The following ZNF462 variants were observed in gnomAD, a reference collection of about 807,000 sequenced individuals.
ZNF462 encodes the protein zinc finger protein 462, also known as zinc finger PBX1-interacting protein.
A neutral mutation model predicts 201.9 loss-of-function variants in ZNF462; 10 were observed. That is an observed-to-expected ratio of 0.05 (90% CI 0.03 to 0.08). The LOEUF (loss-of-function observed/expected upper bound fraction) is 0.08, where lower values mean the gene tolerates loss of function less well. Among genes scored for constraint, ZNF462 ranks in the 10% least tolerant of loss-of-function variants. The pLI is 1.00. For missense variants in ZNF462, 2,523 were observed against 3,168.3 expected (o/e 0.80, Z 4.89); for synonymous variants, 1,227 against 1,193.3 (o/e 1.03, Z -0.58).
rs1385502741 is a variant in ZNF462, at chr9:106,880,987, T to A, written c.-31+17632T>A. Among the ~76,000 whole-genome samples, 1 of 152,196 alleles carries A rather than the reference T, an allele frequency of 6.6e-6. No individual in the cohort carries two copies. Among genetic ancestry groups the A allele is most frequent in the Non-Finnish European group, 1.5e-5 (1 of 68,036 alleles). On this transcript the variant is annotated intron_variant, in intron 1 of 12. Transcript: ENST00000277225. This position sits in a 1 kb window ranked among gnomAD's most constrained non-coding sequence, Gnocchi z 4.1. Reference sequence around the variant, plus strand: ...GAGCCAGCCTGTCTCAGCACTGAGCTTTTATTTTGTAACAATTTGGAGGGG... The same window carrying A: ...GAGCCAGCCTGTCTCAGCACTGAGCATTTATTTTGTAACAATTTGGAGGGG...
chr9:106,905,192 C>T lies in ZNF462; in HGVS notation c.-30-18162C>T, dbSNP rs989632374. On this transcript the variant is annotated intron_variant, in intron 1 of 12. Transcript: ENST00000277225. This position sits in a 1 kb window ranked among gnomAD's most constrained non-coding sequence, Gnocchi z 5.9. ...AGCCAAACTTCAGTGATTGTTATCT[C>T]TCTTCTGGGTCTAGCTACCCAGCGA... Among the ~76,000 whole-genome samples, 2 of 152,156 alleles carry T rather than the reference C, an allele frequency of 1.3e-5. No individual in the cohort carries two copies. The highest frequency in any genetic ancestry group is 3.9e-4 in the East Asian group (2 of 5,194).
Position 106,919,179 on chromosome 9 carries a change from G to A in ZNF462, c.-30-4175G>A, listed in dbSNP as rs1829892351. 6.6e-6 allele frequency among the ~76,000 whole-genome samples: 1 copy of A among 152,212 alleles called. No individual in the cohort carries two copies. Among genetic ancestry groups the A allele is most frequent in the Non-Finnish European group, 1.5e-5 (1 of 68,040 alleles). On this transcript the variant is annotated intron_variant, in intron 1 of 12. Coordinates refer to ENST00000277225, the MANE Select transcript of ZNF462 (RefSeq NM_021224.6). The surrounding 1 kb of genome is among the most constrained non-coding windows in gnomAD (Gnocchi z 4.5). The stretch of plus-strand genomic sequence containing the variant: ...GAAGAGAGCTGGGATTTTGACTTGA[G>A]GACCACATTTATGCTCCTGGGCCCT...
Position 106,932,341 on chromosome 9 carries a change from CGGGT to C in ZNF462, c.6013-102_6013-99del. 6.4e-7 allele frequency: 1 copy of C among 1,571,198 alleles called. No homozygotes were observed. Among genetic ancestry groups the C allele is most frequent in the Non-Finnish European group, 8.6e-7 (1 of 1,157,878 alleles). ...AGACGCCAGTGGCGCCCTGGTGGGCCGGGTGGATGGTGAACACTGCTTGCTTGAT... is the reference window on the plus strand; with the variant it reads ...AGACGCCAGTGGCGCCCTGGTGGGCCGGATGGTGAACACTGCTTGCTTGAT... On this transcript the variant is annotated intron_variant, in intron 4 of 12. Transcript: ENST00000277225. The surrounding 1 kb of genome is among the most constrained non-coding windows in gnomAD (Gnocchi z 6.8).
intron 1 of ZNF462, among the ~76,000 whole-genome samples, chr9:106,864,224 G>C (rs1251292094): frequency 6.6e-6 from 1 of 151,706 alleles, no homozygotes; most frequent in Non-Finnish European, 1.5e-5. Flanking sequence ...GCACCGGCCG[G>C]GTGGGGGGCG....
intron 10 of ZNF462, among the ~76,000 whole-genome samples, chr9:106,999,985 T>G (rs1291199763): frequency 6.6e-6 from 1 of 151,970 alleles, no homozygotes; most frequent in Non-Finnish European, 1.5e-5. Context: ...GGTGAGCTCT[T>G]GAAGGCGGGG....
rs1380184116 is a variant in ZNF462, at chr9:106,954,809, G to A, written c.6427+15702G>A. Among the ~76,000 whole-genome samples the A allele has an allele frequency of 5.9e-5, 9 of 152,084 alleles. No homozygotes were observed. Among genetic ancestry groups the A allele is most frequent in the Non-Finnish European group, 1.0e-4 (7 of 68,022 alleles). Reference sequence around the variant, plus strand: ...CAATGCTGTGCCCTACCTCTCTTAAGAACATGTAGTTCAGTCTACTGACTC... The same window carrying A: ...CAATGCTGTGCCCTACCTCTCTTAAAAACATGTAGTTCAGTCTACTGACTC... On this transcript the variant is annotated intron_variant, in intron 7 of 12. Transcript: ENST00000277225. The surrounding 1 kb of genome is among the most constrained non-coding windows in gnomAD (Gnocchi z 4.0).
chr9:106,999,516 C>A (rs1195266755), intron 10 of ZNF462, among the ~76,000 whole-genome samples: 1 of 152,114 alleles, frequency 6.6e-6, no homozygotes, highest in Non-Finnish European at 1.5e-5. Flanking sequence ...AATGAATAGT[C>A]AAGTAAACTA....
intron 7 of ZNF462, among the ~76,000 whole-genome samples, chr9:106,961,736 A>G (rs2131904355): frequency 6.6e-6 from 1 of 152,120 alleles, no homozygotes; most frequent in South Asian, 2.1e-4. Flanking sequence ...AATTAACCTT[A>G]ATACAGCATG....
rs1415836711 is a variant in ZNF462 at position 106,966,724 on chromosome 9, T to G, written c.6428-5281T>G. Among the ~76,000 whole-genome samples the G allele has an allele frequency of 6.6e-6, 1 of 152,186 alleles. No homozygotes were observed. Among genetic ancestry groups the G allele is most frequent in the African/African-American group, 2.4e-5 (1 of 41,468 alleles). ...ACTTAAATGCTCAGTAAATATTTGC[T>G]GAATGAATGGGTGTAATTGAATCAT... is the stretch of plus-strand genomic sequence containing the variant. On this transcript the variant is annotated intron_variant, in intron 7 of 12. Transcript: ENST00000277225. This position sits in a 1 kb window ranked among gnomAD's most constrained non-coding sequence, Gnocchi z 4.4.
intron 7 of ZNF462, among the ~76,000 whole-genome samples, chr9:106,958,304 T>G (rs181678575): frequency 6.6e-6 from 1 of 152,234 alleles, no homozygotes; most frequent in Admixed American, 6.5e-5. Context: ...AGCCCTTCCG[T>G]GGCTGTCTAC....
intron 11 of ZNF462, among the ~76,000 whole-genome samples, chr9:107,007,699 C>A (rs186434484): frequency 6.6e-6 from 1 of 152,142 alleles, no homozygotes; most frequent in Admixed American, 6.5e-5. Context: ...CACACAATAG[C>A]CTCGGGTGTT....
rs1256134872 is a variant in ZNF462, at chr9:107,003,380, T to G, written c.7143T>G (p.Asp2381Glu). ...MKEKMESSSS[D>E]DEDKEEEMNS... The stretch of plus-strand genomic sequence containing the variant: ...AGAAAATGGAGAGCTCCAGCAGCGA[T>G]GATGAGGACAAGGAAGAAGAAATGA... The change falls in exon 11 of 13, where the codon GAT becomes GAG. Residue 2381 changes from aspartate to glutamate, a missense_variant. Physicochemically the swap from Asp to Glu is conservative, Grantham distance 45. Transcript: ENST00000277225. The surrounding 1 kb of genome is among the most constrained non-coding windows in gnomAD (Gnocchi z 4.4). 3 of 1,613,842 alleles carry G rather than the reference T, an allele frequency of 1.9e-6. No individual in the cohort carries two copies. The highest frequency in any genetic ancestry group is 2.5e-6 in the Non-Finnish European group (3 of 1,179,846).
At chr9:106,921,174 C>T (rs949654745) in intron 1 of ZNF462, among the ~76,000 whole-genome samples, 1 of 152,018 alleles carries the variant, frequency 6.6e-6, no homozygotes, top group South Asian at 2.1e-4. Flanking sequence ...TTCTGGAGGT[C>T]CCCCCACTGC....
intron 10 of ZNF462, among the ~76,000 whole-genome samples, chr9:107,002,703 G>C (rs1242310419): frequency 6.6e-6 from 1 of 152,138 alleles, no homozygotes. Context: ...TTGATACATA[G>C]GCTGTGGTCA....
At chr9:106,992,457 C>T (rs1342670386) in intron 10 of ZNF462, among the ~76,000 whole-genome samples, 1 of 152,022 alleles carries the variant, frequency 6.6e-6, no homozygotes, top group Admixed American at 6.6e-5. Context: ...GTTAAACGTA[C>T]ACTTGCCATC....
chr9:106,930,937 G>C lies in ZNF462; in HGVS notation c.6012+248G>C. ...TAGTTTGGTGGCAGCAGAAGGTCCA[G>C]GATTCTCGGTCTAGGAGGCTTCGGG... is the stretch of plus-strand genomic sequence containing the variant. On this transcript the variant is annotated intron_variant, in intron 4 of 12. Coordinates refer to ENST00000277225, the MANE Select transcript of ZNF462 (RefSeq NM_021224.6). The surrounding 1 kb of genome is among the most constrained non-coding windows in gnomAD (Gnocchi z 5.8). 1 of 429,348 alleles carries C rather than the reference G, an allele frequency of 2.3e-6. No individual in the cohort carries two copies. The highest frequency in any genetic ancestry group is 2.7e-5 in the South Asian group (1 of 37,180). 26.6% of individuals were successfully genotyped at this position (429,348 alleles called of 1,614,324 possible). A position where few individuals can be genotyped will look rare whatever the true frequency, so the allele number is the denominator to read the frequency against.
At chr9:106,864,079 TCTCTCTCTCTCTCTCTCTC>T (rs1827197510) in intron 1 of ZNF462, among the ~76,000 whole-genome samples, 1 of 135,716 alleles carries the variant, frequency 7.4e-6, no homozygotes, top group Non-Finnish European at 1.6e-5. Flanking sequence ...TCTCTCTCTC[TCTCTCTCTCTCTCTCTCTC>T]TCTCTCTCTC....
At chr9:106,910,973 A>G (rs544765946) in intron 1 of ZNF462, among the ~76,000 whole-genome samples, 9 of 152,328 alleles carry the variant, frequency 5.9e-5, no homozygotes, top group African/African-American at 2.2e-4. Context: ...ATGTCATGGA[A>G]GAGTCTGGGA....
At chr9:106,868,551 A>G (rs529656731) in intron 1 of ZNF462, among the ~76,000 whole-genome samples, 2 of 152,344 alleles carry the variant, frequency 1.3e-5, no homozygotes, top group African/African-American at 2.4e-5. Flanking sequence ...AGTAAGGACT[A>G]TTAGTTATTT....
Sources: allele counts gnomAD v4.1 joint callset (sites outside exome capture counted in the v4.1 genomes callset), GRCh38; gene constraint gnomAD v4.1.1; non-coding constraint Gnocchi (gnomAD v3.1); transcripts MANE v1.5; gene names NCBI Gene and HGNC (gene_info 2026-07-23, HGNC 2026-07-21).